The following CADM2 variants were observed in gnomAD, a reference collection of about 807,000 sequenced individuals.
CADM2 encodes cell adhesion molecule 2.
A neutral mutation model predicts 49.8 loss-of-function variants in CADM2; 12 were observed. That is an observed-to-expected ratio of 0.24 (90% CI 0.15 to 0.39). CADM2 has a LOEUF of 0.39. CADM2 is among the 10% of genes least tolerant of loss of function. The pLI, the probability that CADM2 is intolerant of heterozygous loss-of-function variation, is 1.00. For missense variants in CADM2, 378 were observed against 492.3 expected (o/e 0.77, Z 2.20); for synonymous variants, 214 against 175.4 (o/e 1.22, Z -1.74).
At chr3:85,775,117 A>G (rs1389217859) in intron 2 of CADM2, among the ~76,000 whole-genome samples, 1 of 151,750 alleles carries the variant, frequency 6.6e-6, no homozygotes, top group Non-Finnish European at 1.5e-5. Context: ...ACAAAATTCA[A>G]CATTAGAAAT....
chr3:85,005,465 A>T (rs900874329), intron 1 of CADM2, among the ~76,000 whole-genome samples: 1 of 152,114 alleles, frequency 6.6e-6, no homozygotes, highest in Non-Finnish European at 1.5e-5. Flanking sequence ...TTGGAAAAAA[A>T]ATTCATCCTA....
At chr3:85,617,077 A>C (rs1483433643) in intron 1 of CADM2, among the ~76,000 whole-genome samples, 1 of 152,098 alleles carries the variant, frequency 6.6e-6, no homozygotes, top group Non-Finnish European at 1.5e-5. Flanking sequence ...ACAAACAAGC[A>C]ATCAGTTCTT....
In CADM2 at chr3:85,169,686, T is replaced by C. The variant is rs532824325; in HGVS notation, c.61+210018T>C. Among the ~76,000 whole-genome samples the C allele has an allele frequency of 4.6e-5, 7 of 152,194 alleles. No homozygotes were observed. In the South Asian group the frequency reaches 1.4e-3, roughly 32 times the overall value. On this transcript the variant is annotated intron_variant, in intron 1 of 9. Transcript: ENST00000383699. ...ACCCAGGAGGCTGAGGCAGGAGAATTGCTTGTACCCTGGAGACGAAGGTTG... is the reference window on the plus strand; with the variant it reads ...ACCCAGGAGGCTGAGGCAGGAGAATCGCTTGTACCCTGGAGACGAAGGTTG...
intron 1 of CADM2, among the ~76,000 whole-genome samples, chr3:85,015,071 T>C (rs1222084910): frequency 6.6e-6 from 1 of 152,148 alleles, no homozygotes; most frequent in African/African-American, 2.4e-5. Context: ...TACCATTTTC[T>C]ATTGTGCCGT....
intron 1 of CADM2, among the ~76,000 whole-genome samples, chr3:85,014,756 G>A (rs959481995): frequency 4.6e-5 from 7 of 152,022 alleles, no homozygotes; most frequent in African/African-American, 9.7e-5. Flanking sequence ...CATAAGCTTC[G>A]GTTCCTCCTA....
chr3:85,273,592 C>A (rs1232136092), intron 1 of CADM2, among the ~76,000 whole-genome samples: 1 of 151,158 alleles, frequency 6.6e-6, no homozygotes, highest in Non-Finnish European at 1.5e-5. Flanking sequence ...GAGGACCCCC[C>A]CCAAATTTTG....
At chr3:85,426,700 T>C (rs1298945203) in intron 1 of CADM2, among the ~76,000 whole-genome samples, 1 of 152,110 alleles carries the variant, frequency 6.6e-6, no homozygotes, top group Admixed American at 6.6e-5. Flanking sequence ...CACCCAGTTG[T>C]GCTTTCAAAT....
At chr3:85,929,084 C>T (rs1720276450) in intron 6 of CADM2, among the ~76,000 whole-genome samples, 1 of 151,968 alleles carries the variant, frequency 6.6e-6, no homozygotes, top group Non-Finnish European at 1.5e-5. Context: ...TTTCTAACCC[C>T]CTTTTAAACT....
intron 1 of CADM2, among the ~76,000 whole-genome samples, chr3:85,673,607 T>C (rs1029445385): frequency 6.6e-6 from 1 of 151,742 alleles, no homozygotes; most frequent in Admixed American, 6.6e-5. Flanking sequence ...GTAGTGCTAC[T>C]CTCTCTGGAG....
At chr3:85,078,326 A>G (rs2037028243) in intron 1 of CADM2, among the ~76,000 whole-genome samples, 1 of 152,020 alleles carries the variant, frequency 6.6e-6, no homozygotes, top group African/African-American at 2.4e-5. Flanking sequence ...ATTGAAGTAC[A>G]TGACATTAAT....
rs1475991339 is a variant in CADM2 at position 85,898,955 on chromosome 3, A to ATAT, written c.529+12629_529+12630insATT. ...TTATTGTGTATATATATATATATAT[A>ATAT]TTTTTTTTTTTTTTTTTTTTTTTTT... On this transcript the variant is annotated intron_variant, in intron 5 of 9. Coordinates refer to ENST00000383699, the MANE Select transcript of CADM2 (RefSeq NM_001167675.2). 2.0e-3 allele frequency among the ~76,000 whole-genome samples: 69 copies of ATAT among 33,936 alleles called. 2 individuals are homozygous for ATAT. The highest frequency in any genetic ancestry group is 2.9e-3 in the Non-Finnish European group (61 of 20,998). 22.3% of individuals were successfully genotyped at this position (33,936 alleles called of 152,430 possible).
At chr3:86,017,627 G>A (rs1173664628) in intron 8 of CADM2, among the ~76,000 whole-genome samples, 1 of 151,238 alleles carries the variant, frequency 6.6e-6, no homozygotes, top group Non-Finnish European at 1.5e-5. Context: ...TCTTCAGGAA[G>A]CTGAGGTAGG....
At chr3:85,383,658 C>A (rs565017249) in intron 1 of CADM2, among the ~76,000 whole-genome samples, 26 of 149,856 alleles carry the variant, frequency 1.7e-4, no homozygotes, top group African/African-American at 6.1e-4. Context: ...CAAGGTTAAC[C>A]AGTCGTTTGA....
chr3:85,985,846 A>G (rs1162035864), intron 8 of CADM2, among the ~76,000 whole-genome samples: 1 of 152,034 alleles, frequency 6.6e-6, no homozygotes, highest in Non-Finnish European at 1.5e-5. Flanking sequence ...TTAAGTACAC[A>G]CTTTGGGCCA....
At chr3:86,040,947 A>C (rs1735822147) in intron 8 of CADM2, among the ~76,000 whole-genome samples, 2 of 152,286 alleles carry the variant, frequency 1.3e-5, no homozygotes, top group South Asian at 4.1e-4. Flanking sequence ...AAAGAAAAGA[A>C]TTTTCAACCC....
At chr3:85,738,696 G>A (rs1052947801) in intron 2 of CADM2, among the ~76,000 whole-genome samples, 9 of 151,920 alleles carry the variant, frequency 5.9e-5, no homozygotes, top group Non-Finnish European at 8.8e-5. Flanking sequence ...ACAGGTTAAG[G>A]GAATGCAAGT....
intron 1 of CADM2, among the ~76,000 whole-genome samples, chr3:85,092,323 T>G (rs1015841436): frequency 6.6e-6 from 1 of 152,198 alleles, no homozygotes; most frequent in South Asian, 2.1e-4. Context: ...GTAAGAAGAA[T>G]AGCAGACTTA....
chr3:85,083,174 G>A (rs970205958), intron 1 of CADM2, among the ~76,000 whole-genome samples: 1 of 151,954 alleles, frequency 6.6e-6, no homozygotes, highest in African/African-American at 2.4e-5. Flanking sequence ...TATCATGTCT[G>A]TCCTCTAAAT....
In CADM2 at chr3:85,912,354, A is replaced by T; in HGVS notation, c.530-19A>T. The stretch of plus-strand genomic sequence containing the variant: ...ATTTTGAAAGGTGTCACATTTTAAA[A>T]TTCATATTTTATTTTCAGATGTAAA... On this transcript the variant is annotated intron_variant, in intron 5 of 9. Coordinates refer to ENST00000383699, the MANE Select transcript of CADM2 (RefSeq NM_001167675.2). 6.3e-7 allele frequency: 1 copy of T among 1,578,340 alleles called. No homozygotes were observed. The highest frequency in any genetic ancestry group is 1.1e-5 in the South Asian group (1 of 88,006).
Sources: allele counts gnomAD v4.1 joint callset (sites outside exome capture counted in the v4.1 genomes callset), GRCh38; gene constraint gnomAD v4.1.1; transcripts MANE v1.5; gene names NCBI Gene and HGNC (gene_info 2026-07-23, HGNC 2026-07-21).